CENPI: variants seen among roughly 807,000 people sequenced by gnomAD.
CENPI encodes centromere protein I.
Under a neutral mutation model 60.4 loss-of-function variants are expected in CENPI, and 4 were observed. That is an observed-to-expected ratio of 0.07 (90% CI 0.03 to 0.15). The LOEUF (loss-of-function observed/expected upper bound fraction) is 0.15, where lower values mean the gene tolerates loss of function less well. CENPI is among the 10% of genes least tolerant of loss of function. The probability of loss-of-function intolerance (pLI) is 1.00; values close to 1 mark genes in which losing one functional copy is unlikely to be tolerated. For missense variants in CENPI, 444 were observed against 534.5 expected (o/e 0.83, Z 1.67); for synonymous variants, 157 against 189.4 (o/e 0.83, Z 1.40).
At chrX:101,128,319 G>A (rs768144508) in intron 11 of CENPI, among the ~76,000 whole-genome samples, 42 of 109,648 alleles carry the variant, frequency 3.8e-4, no homozygotes, top group Non-Finnish European at 7.2e-4. Flanking sequence ...GGCAACAAGA[G>A]CGAAACTCTG....
chrX:101,134,778 C>A (rs2089829339), intron 15 of CENPI, among the ~76,000 whole-genome samples: 1 of 111,264 alleles, frequency 9.0e-6, no homozygotes, highest in East Asian at 2.8e-4. Context: ...AATCCCAGCA[C>A]TTTGGGAGGC....
At chrX:101,151,380 C>T (rs1250543991) in intron 20 of CENPI, among the ~76,000 whole-genome samples, 1 of 111,855 alleles carries the variant, frequency 8.9e-6, no homozygotes, top group African/African-American at 3.3e-5. Context: ...CAAATTCCCT[C>T]AGGCCAAAAG....
chrX:101,131,045 A>G (rs145580656), intron 13 of CENPI, among the ~76,000 whole-genome samples: 351 of 111,386 alleles, frequency 3.2e-3, no homozygotes, highest in African/African-American at 0.01. Context: ...GCTGGAGTGT[A>G]CTGGCACAAT....
At chrX:101,179,481 C>G in the CENPI span, among the ~76,000 whole-genome samples, 2 of 111,435 alleles carry the variant, frequency 1.8e-5, no homozygotes, top group African/African-American at 6.5e-5. Flanking sequence ...TGTGAACATT[C>G]ATTTATACAA....
At chrX:101,159,351 A>AG (rs1481127202) in intron 20 of CENPI, among the ~76,000 whole-genome samples, 1 of 108,222 alleles carries the variant, frequency 9.2e-6, no homozygotes, top group African/African-American at 3.4e-5. Flanking sequence ...TTTAGTAGAG[A>AG]GGGGGTTTCA....
downstream of CENPI, among the ~76,000 whole-genome samples, chrX:101,170,234 C>T (rs947147123): frequency 8.9e-6 from 1 of 112,021 alleles, no homozygotes; most frequent in African/African-American, 3.2e-5. Context: ...TACACAAATA[C>T]ATTGTGTTTC....
At chrX:101,119,698 G>A (rs1037567043) in intron 6 of CENPI, among the ~76,000 whole-genome samples, 2 of 112,184 alleles carry the variant, frequency 1.8e-5, no homozygotes, top group African/African-American at 6.5e-5. Context: ...AGCAAATTGA[G>A]TGCATACTGT....
chrX:101,104,220 C>T (rs752320692), intron 4 of CENPI, among the ~76,000 whole-genome samples: 3 of 112,513 alleles, frequency 2.7e-5, no homozygotes, highest in African/African-American at 6.4e-5. Flanking sequence ...GTGATCCACC[C>T]GCCTTGGCCT....
At chrX:101,104,418 A>C (rs1038536945) in intron 4 of CENPI, among the ~76,000 whole-genome samples, 1 of 112,491 alleles carries the variant, frequency 8.9e-6, no homozygotes, top group Non-Finnish European at 1.9e-5. Flanking sequence ...ATTTAAATTC[A>C]GACTTGGAAG....
Position 101,101,144 on chromosome X carries a change from C to T in CENPI, c.74C>T (p.Thr25Ile), listed in dbSNP as rs1306773304. ...TCACAAGGTAGTAGTAGTTTTCAGA[C>T]CACGCTTTCAGCCTGGAAAGTAAAA... ...RTSQGSSSFQ[T>I]TLSAWKVKQD... Residue 25 changes from threonine to isoleucine, a missense_variant, in exon 3 of 22, where the codon ACC becomes ATC. Thr to Ile is a moderately conservative substitution (Grantham distance 89, BLOSUM62 -1). Coordinates refer to ENST00000682095, the MANE Select transcript of CENPI (RefSeq NM_001386188.2). The T allele has an allele frequency of 1.7e-6, 2 of 1,210,931 alleles. No individual in the cohort carries two copies. Among genetic ancestry groups the T allele is most frequent in the Non-Finnish European group, 2.2e-6 (2 of 894,918 alleles).
At chrX:101,181,635 T>C in the CENPI span, among the ~76,000 whole-genome samples, 4 of 112,682 alleles carry the variant, frequency 3.5e-5, no homozygotes, top group Non-Finnish European at 5.6e-5. Context: ...TTGATCTTGA[T>C]CCTTACAACC....
Position 101,126,806 on chromosome X carries a change from A to T in CENPI, c.777+8A>T. 1 of 1,138,531 alleles carries T rather than the reference A, an allele frequency of 8.8e-7. No homozygotes were observed. Among genetic ancestry groups the T allele is most frequent in the Non-Finnish European group, 1.2e-6 (1 of 831,963 alleles). The allele number at this position is 1,138,531 out of a possible 1,213,427, so 93.8% of individuals were successfully genotyped here. ...TTGCCTGTAAGGAAGAAGGTAAGGGATTAAGGAGAGAGAAATCATATTAAG... is the reference window on the plus strand; with the variant it reads ...TTGCCTGTAAGGAAGAAGGTAAGGGTTTAAGGAGAGAGAAATCATATTAAG... On this transcript the variant is annotated splice_region_variant and intron_variant, in intron 9 of 21. Transcript: ENST00000682095.
At chrX:101,161,478 A>G (rs371736161) in intron 20 of CENPI, 50 bp from the exon 21 acceptor site, 7 of 1,096,600 alleles carry the variant, frequency 6.4e-6, no homozygotes, top group Non-Finnish European at 8.8e-6. Context: ...ATATCTCCCC[A>G]CTTCTTTTTT....
At chrX:101,119,296 G>A (rs7053854) in intron 6 of CENPI, among the ~76,000 whole-genome samples, 23,168 of 111,774 alleles carry the variant, frequency 0.21, 1,922 homozygotes, top group South Asian at 0.35. Flanking sequence ...CTGTAGTTTA[G>A]ACTTTAAAGT....
At chrX:101,099,046 T>TTTTCTTTCTTTCTTTC (rs3842469) in intron 2 of CENPI, among the ~76,000 whole-genome samples, 1 of 108,379 alleles carries the variant, frequency 9.2e-6, no homozygotes, top group East Asian at 2.9e-4. Context: ...TTCTTTTCTC[T>TTTTCTTTCTTTCTTTC]TTTCTTTCTT....
intron 16 of CENPI, among the ~76,000 whole-genome samples, chrX:101,142,180 C>T (rs1309642832): frequency 8.9e-6 from 1 of 111,943 alleles, no homozygotes; most frequent in Non-Finnish European, 1.9e-5. Context: ...AATATTTGGC[C>T]AACTTGCAGT....
chrX:101,159,020 T>C (rs2090080462), intron 20 of CENPI, among the ~76,000 whole-genome samples: 1 of 111,623 alleles, frequency 9.0e-6, no homozygotes, highest in Non-Finnish European at 1.9e-5. Flanking sequence ...TGGCTACTGC[T>C]GAAGTCTAGA....
chrX:101,107,112 A>G (rs189407958), intron 4 of CENPI, among the ~76,000 whole-genome samples: 1,608 of 104,658 alleles, frequency 0.015, 31 homozygotes, highest in African/African-American at 0.05. Context: ...TACTCTCCCC[A>G]CTTTTTTGGG....
At chrX:101,177,998 C>G in the CENPI span, among the ~76,000 whole-genome samples, 2 of 111,765 alleles carry the variant, frequency 1.8e-5, no homozygotes, top group Non-Finnish European at 3.8e-5. Flanking sequence ...TGTGAGCCCC[C>G]TCTCTGGAGC....
Sources: gnomAD v4.1 joint callset for allele counts (sites outside exome capture counted in the v4.1 genomes callset) on GRCh38, gnomAD v4.1.1 for gene constraint, MANE v1.5 for transcripts, NCBI Gene and HGNC (gene_info 2026-07-23, HGNC 2026-07-21) for gene names.